TENM4: variants seen among roughly 807,000 people sequenced by gnomAD.
TENM4 encodes the protein teneurin transmembrane protein 4, also known as teneurin-4.
A neutral mutation model predicts 243.3 loss-of-function variants in TENM4; 82 were observed. That is an observed-to-expected ratio of 0.34 (90% CI 0.28 to 0.40). The LOEUF is 0.40. Among genes scored for constraint, TENM4 ranks in the 10% least tolerant of loss-of-function variants. The pLI is 1.00. For missense variants in TENM4, 3,138 were observed against 3,673.3 expected (o/e 0.85, Z 3.77); for synonymous variants, 1,412 against 1,456.3 (o/e 0.97, Z 0.69).
intron 1 of TENM4, among the ~76,000 whole-genome samples, chr11:79,419,062 T>C (rs1858877177): frequency 1.3e-5 from 2 of 152,312 alleles, no homozygotes; most frequent in South Asian, 2.1e-4. Flanking sequence ...AGACTAGGCT[T>C]AGCTCATACT....
chr11:78,818,217 T>G (rs1857650576), intron 12 of TENM4, among the ~76,000 whole-genome samples: 2 of 152,226 alleles, frequency 1.3e-5, no homozygotes, highest in South Asian at 4.1e-4. Context: ...TAGCTCCTAA[T>G]AAAATTACTA....
intron 6 of TENM4, among the ~76,000 whole-genome samples, chr11:79,059,628 T>C (rs1396477950): frequency 6.6e-6 from 1 of 152,244 alleles, no homozygotes; most frequent in African/African-American, 2.4e-5. Flanking sequence ...TTTAATCATT[T>C]TGAGGAATAG....
At chr11:78,968,372 T>C (rs1269229168) in intron 6 of TENM4, among the ~76,000 whole-genome samples, 1 of 152,146 alleles carries the variant, frequency 6.6e-6, no homozygotes, top group Non-Finnish European at 1.5e-5. Context: ...GCAACTTCCA[T>C]CTCCTAGGCT....
intron 1 of TENM4, among the ~76,000 whole-genome samples, chr11:79,406,153 C>T (rs1429183300): frequency 6.6e-6 from 1 of 152,206 alleles, no homozygotes; most frequent in East Asian, 1.9e-4. Context: ...GCACCCGAGA[C>T]TTGCTGACAG....
At chr11:79,434,185 C>A (rs1212312461) in intron 1 of TENM4, among the ~76,000 whole-genome samples, 1 of 152,218 alleles carries the variant, frequency 6.6e-6, no homozygotes, top group Non-Finnish European at 1.5e-5. Flanking sequence ...AGATGCCTAA[C>A]AATTTCCACT....
intron 6 of TENM4, among the ~76,000 whole-genome samples, chr11:78,975,053 G>A (rs1335762473): frequency 1.3e-5 from 2 of 151,768 alleles, no homozygotes; most frequent in East Asian, 1.9e-4. Flanking sequence ...GCCCTAAGTG[G>A]GCACTAGAGA....
chr11:79,415,856 T>C lies in TENM4; in HGVS notation c.-321+24653A>G, dbSNP rs867432541. Among the ~76,000 whole-genome samples the C allele has an allele frequency of 1.1e-4, 17 of 151,984 alleles. No individual in the cohort carries two copies. In the Middle Eastern group the frequency reaches 0.014, roughly 122 times the overall value. ...CAAAATAGTAACCATATTCACATCA[T>C]CCCCCAAATTTCCCCATCCCCCTTG... On this transcript the variant is annotated intron_variant, in intron 1 of 33. Coordinates refer to ENST00000278550, the MANE Select transcript of TENM4 (RefSeq NM_001098816.3).
chr11:79,259,654 CATCT>C (rs1327071980), intron 2 of TENM4, among the ~76,000 whole-genome samples: 14 of 125,652 alleles, frequency 1.1e-4, no homozygotes, highest in African/African-American at 1.9e-4. Context: ...TCCATCCATC[CATCT>C]ATCCATCCAT....
intron 1 of TENM4, among the ~76,000 whole-genome samples, chr11:79,311,798 C>T (rs1590871076): frequency 6.6e-6 from 1 of 152,212 alleles, no homozygotes; most frequent in South Asian, 2.1e-4. Flanking sequence ...TTGGAGCAAT[C>T]CAAACCCTTC....
At chr11:79,218,853 A>C (rs1035515523) in intron 2 of TENM4, among the ~76,000 whole-genome samples, 2 of 152,236 alleles carry the variant, frequency 1.3e-5, no homozygotes, top group Non-Finnish European at 2.9e-5. Flanking sequence ...GTTGAGGGGA[A>C]ATTGAGTTAG....
intron 4 of TENM4, among the ~76,000 whole-genome samples, chr11:79,077,525 A>T (rs1297532458): frequency 6.6e-6 from 1 of 152,234 alleles, no homozygotes; most frequent in Non-Finnish European, 1.5e-5. Context: ...CTAAAACAAA[A>T]ATTTCATGAA....
chr11:79,377,341 A>G (rs1437602279), intron 1 of TENM4, among the ~76,000 whole-genome samples: 4 of 152,228 alleles, frequency 2.6e-5, no homozygotes, highest in Admixed American at 2.6e-4. Context: ...CAGGAAACCA[A>G]TGCAGCTGGC....
intron 3 of TENM4, among the ~76,000 whole-genome samples, chr11:79,178,623 A>G (rs1272358509): frequency 6.6e-6 from 1 of 152,220 alleles, no homozygotes; most frequent in Non-Finnish European, 1.5e-5. Context: ...GGACCACTGC[A>G]TATAGCAACA....
At chr11:78,935,779 A>T (rs933392432) in intron 6 of TENM4, among the ~76,000 whole-genome samples, 1 of 152,216 alleles carries the variant, frequency 6.6e-6, no homozygotes, top group African/African-American at 2.4e-5. Flanking sequence ...AATTCCAAAG[A>T]AATATGTACT....
chr11:78,702,087 G>A lies in TENM4; in HGVS notation c.4526C>T (p.Ala1509Val). The A allele has an allele frequency of 6.2e-7, 1 of 1,613,856 alleles. No homozygotes were observed. Among genetic ancestry groups the A allele is most frequent in the South Asian group, 1.1e-5 (1 of 91,058 alleles). The stretch of plus-strand genomic sequence containing the variant: ...ATTTTTACAGTCACAGCCACTGGGG[G>A]CCCCAGCAACGAGTGAGATCTCTCC... ...TSGEISLVAG[A>V]PSGCDCKNDA... The change falls in exon 28 of 34, where the codon GCC becomes GTC. Residue 1509 changes from alanine (A) to valine (V), a missense_variant. This residue lies in a region of TENM4 where 2,467 missense variants were observed against 3,059.1 expected (regional missense o/e 0.81). Transcript: ENST00000278550.
At chr11:78,972,445 C>T (rs1157577255) in intron 6 of TENM4, among the ~76,000 whole-genome samples, 1 of 152,094 alleles carries the variant, frequency 6.6e-6, no homozygotes, top group East Asian at 1.9e-4. Context: ...AGCTTTCCTC[C>T]TCACAGGTTT....
At chr11:79,336,236 T>G (rs1355618753) in intron 1 of TENM4, among the ~76,000 whole-genome samples, 2 of 152,178 alleles carry the variant, frequency 1.3e-5, no homozygotes, top group African/African-American at 4.8e-5. Flanking sequence ...GCCCAAATCA[T>G]GTAGTCAGGG....
chr11:78,853,542 C>T (rs1858596358), intron 12 of TENM4, among the ~76,000 whole-genome samples: 1 of 152,188 alleles, frequency 6.6e-6, no homozygotes. Context: ...TCAGGGCCCA[C>T]TCTTTGTCAG....
At chr11:78,934,458 G>A (rs1856740625) in intron 6 of TENM4, among the ~76,000 whole-genome samples, 1 of 152,134 alleles carries the variant, frequency 6.6e-6, no homozygotes, top group Non-Finnish European at 1.5e-5. Context: ...GACATCTCAG[G>A]TGTTCTCTAG....
Sources: gnomAD v4.1 joint callset for allele counts (sites outside exome capture counted in the v4.1 genomes callset) on GRCh38, gnomAD v4.1.1 for gene constraint, gnomAD v4.1.1 regional missense constraint, MANE v1.5 for transcripts, NCBI Gene and HGNC (gene_info 2026-07-23, HGNC 2026-07-21) for gene names.